PRICKLE1: variants seen among roughly 807,000 people sequenced by gnomAD.
PRICKLE1 encodes prickle-like protein 1.
A neutral mutation model predicts 70.2 loss-of-function variants in PRICKLE1; 14 were observed. That is an observed-to-expected ratio of 0.20 (90% CI 0.13 to 0.31). The LOEUF (loss-of-function observed/expected upper bound fraction) is 0.31. PRICKLE1 is among the 10% of genes least tolerant of loss of function. PRICKLE1 has a pLI of 1.00. For synonymous variants in PRICKLE1, 357 were observed against 379.9 expected (o/e 0.94, Z 0.70); for missense variants, 821 against 1,026.2 (o/e 0.80, Z 2.73).
chr12:42,556,273 G>A (rs946182230), intron 1 of PRICKLE1, among the ~76,000 whole-genome samples: 1 of 152,152 alleles, frequency 6.6e-6, no homozygotes, highest in African/African-American at 2.4e-5. Context: ...AAATGTTTGT[G>A]AGGCCAGCAA....
intron 1 of PRICKLE1, among the ~76,000 whole-genome samples, chr12:42,560,357 C>A (rs1381046354): frequency 3.9e-5 from 6 of 152,018 alleles, no homozygotes; most frequent in Non-Finnish European, 5.9e-5. Context: ...TGGTCTCGAA[C>A]TCCTGACCTC....
At chr12:42,509,028 C>G (rs772757788) in intron 1 of PRICKLE1, among the ~76,000 whole-genome samples, 11 of 152,192 alleles carry the variant, frequency 7.2e-5, no homozygotes, top group African/African-American at 2.7e-4. Context: ...TTGCTCCACC[C>G]CAGAGTGATG....
chr12:42,501,032 TC>T (rs1939296796), intron 1 of PRICKLE1, among the ~76,000 whole-genome samples: 1 of 152,230 alleles, frequency 6.6e-6, no homozygotes, highest in Non-Finnish European at 1.5e-5. Flanking sequence ...CTGAAATGCT[TC>T]TACCTATTGG....
At chr12:42,566,675 TA>T (rs1242502146) in intron 1 of PRICKLE1, among the ~76,000 whole-genome samples, 10 of 152,212 alleles carry the variant, frequency 6.6e-5, no homozygotes, top group Non-Finnish European at 1.2e-4. Context: ...TCTGAATCTT[TA>T]ATTAAATTTC....
In PRICKLE1 at chr12:42,505,257, T is replaced by C. The variant is rs529620914; in HGVS notation, c.-48-32693A>G. ...ATGTATCTGTGTGGGTAGATGGATC[T>C]GGATTTGTGTGAGTGTTTGGGCTGG... On this transcript the variant is annotated intron_variant, in intron 1 of 7. Transcript: ENST00000345127. Among the ~76,000 whole-genome samples the C allele has an allele frequency of 1.6e-4, 25 of 152,334 alleles. No homozygotes were observed. In the East Asian group the frequency reaches 3.7e-3, roughly 22 times the overall value.
chr12:42,536,905 TC>T (rs1489286417), intron 1 of PRICKLE1, among the ~76,000 whole-genome samples: 1 of 152,156 alleles, frequency 6.6e-6, no homozygotes, highest in Admixed American at 6.5e-5. Flanking sequence ...ATTTTATCCA[TC>T]TTTGGGAGGG....
chr12:42,561,200 T>C (rs986938171), intron 1 of PRICKLE1, among the ~76,000 whole-genome samples: 1 of 152,244 alleles, frequency 6.6e-6, no homozygotes, highest in Non-Finnish European at 1.5e-5. Context: ...AAGGGACTTA[T>C]ATTTAGTAAT....
intron 1 of PRICKLE1, among the ~76,000 whole-genome samples, chr12:42,510,147 T>G (rs1593146318): frequency 6.6e-6 from 1 of 151,580 alleles, no homozygotes; most frequent in Admixed American, 6.5e-5. Flanking sequence ...CAGGCTGGAG[T>G]GCAGTGGCGC....
chr12:42,464,981 G>C lies in PRICKLE1; in HGVS notation c.1053C>G (p.Leu351=). 6.2e-7 allele frequency: 1 copy of C among 1,614,084 alleles called. No homozygotes were observed. The highest frequency in any genetic ancestry group is 1.7e-5 in the Admixed American group (1 of 60,016). ...ACTTGTAGTTCAGAGCAGGCGATAA[G>C]AGGAGAGACTGTCTACACTGATCTG... ...RSADQCRQSL[L]LSPALNYKFP... is the part of the protein sequence containing the mutation. The change falls in exon 7 of 8, where the codon CTC becomes CTG. Residue 351 remains leucine (L), a synonymous_variant. Coordinates refer to ENST00000345127, the MANE Select transcript of PRICKLE1 (RefSeq NM_153026.3). This position sits in a 1 kb window ranked among gnomAD's most constrained non-coding sequence, Gnocchi z 4.2.
intron 1 of PRICKLE1, among the ~76,000 whole-genome samples, chr12:42,527,855 T>G (rs1939831824): frequency 2.0e-5 from 3 of 149,382 alleles, no homozygotes; most frequent in African/African-American, 7.4e-5. Context: ...GAGATCCGTA[T>G]GTAATGATAA....
chr12:42,474,709 G>T (rs1399816314), intron 1 of PRICKLE1, among the ~76,000 whole-genome samples: 1 of 152,162 alleles, frequency 6.6e-6, no homozygotes, highest in Non-Finnish European at 1.5e-5. Flanking sequence ...CAGAGGTTAA[G>T]AATTTAATTA....
intron 1 of PRICKLE1, among the ~76,000 whole-genome samples, chr12:42,512,010 C>G (rs1939521034): frequency 6.6e-6 from 1 of 152,178 alleles, no homozygotes; most frequent in South Asian, 2.1e-4. Context: ...CACCATCATT[C>G]TACCCCTCTG....
intron 1 of PRICKLE1, among the ~76,000 whole-genome samples, chr12:42,521,317 T>C (rs533474791): frequency 9.8e-5 from 15 of 152,334 alleles, no homozygotes; most frequent in East Asian, 3.9e-4. Context: ...TTGAGAAACA[T>C]TGTATTTCTT....
At chr12:42,513,996 T>A (rs970981597) in intron 1 of PRICKLE1, among the ~76,000 whole-genome samples, 1 of 152,084 alleles carries the variant, frequency 6.6e-6, no homozygotes, top group African/African-American at 2.4e-5. Flanking sequence ...AAACTCTGCC[T>A]CCAAAAAACA....
At chr12:42,533,195 G>A (rs1258076921) in intron 1 of PRICKLE1, among the ~76,000 whole-genome samples, 4 of 149,516 alleles carry the variant, frequency 2.7e-5, no homozygotes, top group African/African-American at 7.3e-5. Flanking sequence ...TTATTCTGGG[G>A]ATAGATTTTT....
rs573196296 is a variant in PRICKLE1, at chr12:42,502,181, A to C, written c.-48-29617T>G. Among the ~76,000 whole-genome samples, 364 of 151,740 alleles carry C rather than the reference A, an allele frequency of 2.4e-3. 3 individuals carry two copies. Among genetic ancestry groups the C allele is most frequent in the African/African-American group, 8.1e-3 (334 of 41,354 alleles). On this transcript the variant is annotated intron_variant, in intron 1 of 7. Transcript: ENST00000345127. ...CACCTATATATATATACACACACACACCTATACATATATACACACACACCT... is the reference window on the plus strand; with the variant it reads ...CACCTATATATATATACACACACACCCCTATACATATATACACACACACCT...
intron 1 of PRICKLE1, among the ~76,000 whole-genome samples, chr12:42,571,050 C>T (rs2120750932): frequency 6.6e-6 from 1 of 152,058 alleles, no homozygotes; most frequent in South Asian, 2.1e-4. Flanking sequence ...TTAACTTTGA[C>T]CCAAAGGTTG....
At chr12:42,462,992 T>C (rs576035835) in intron 7 of PRICKLE1, among the ~76,000 whole-genome samples, 2 of 152,324 alleles carry the variant, frequency 1.3e-5, no homozygotes, top group African/African-American at 4.8e-5. Context: ...ATTTTAAAGA[T>C]AAAATGTGGA....
At chr12:42,463,949 T>C (rs965453461) in intron 7 of PRICKLE1, among the ~76,000 whole-genome samples, 21 of 152,232 alleles carry the variant, frequency 1.4e-4, no homozygotes, top group African/African-American at 4.6e-4. Flanking sequence ...GTTTTGCTAG[T>C]GTTTGGTATT....
Sources: gnomAD v4.1 joint callset for allele counts (sites outside exome capture counted in the v4.1 genomes callset) on GRCh38, gnomAD v4.1.1 for gene constraint, Gnocchi (gnomAD v3.1) non-coding constraint, MANE v1.5 for transcripts, NCBI Gene and HGNC (gene_info 2026-07-23, HGNC 2026-07-21) for gene names.